PTPRD: variants seen among roughly 807,000 people sequenced by gnomAD.
PTPRD encodes protein tyrosine phosphatase receptor type D, also known as receptor-type tyrosine-protein phosphatase delta.
PTPRD carries 34 observed loss-of-function variants against 214.5 expected under a neutral mutation model. The ratio of observed to expected loss-of-function variants is 0.16; its 90% CI spans 0.12 to 0.21. PTPRD has a LOEUF of 0.21. PTPRD is among the 10% of genes least tolerant of loss of function. The probability of loss-of-function intolerance (pLI) is 1.00; values close to 1 mark genes in which losing one functional copy is unlikely to be tolerated. For missense variants in PTPRD, 2,545 were observed against 2,398.7 expected (o/e 1.06, Z -1.27); for synonymous variants, 1,128 against 845.7 (o/e 1.33, Z -5.79).
At chr9:9,427,975 C>T (rs941717567) in intron 8 of PTPRD, among the ~76,000 whole-genome samples, 2 of 152,120 alleles carry the variant, frequency 1.3e-5, no homozygotes, top group African/African-American at 4.8e-5. Context: ...ATTGTAAAGA[C>T]CATCAATGCT....
intron 3 of PTPRD, among the ~76,000 whole-genome samples, chr9:10,197,231 C>T (rs2099401820): frequency 1.3e-5 from 2 of 152,018 alleles, no homozygotes. Flanking sequence ...TTGATGCATT[C>T]TGTTTATGAT....
intron 8 of PTPRD, among the ~76,000 whole-genome samples, chr9:9,429,081 CA>C (rs2082094283): frequency 1.3e-5 from 2 of 151,930 alleles, no homozygotes; most frequent in South Asian, 4.1e-4. Flanking sequence ...AAAAGAGACA[CA>C]AAAAACCCTT....
intron 11 of PTPRD, among the ~76,000 whole-genome samples, chr9:8,804,229 A>C (rs1048317076): frequency 2.0e-5 from 3 of 152,236 alleles, no homozygotes; most frequent in Non-Finnish European, 2.9e-5. Context: ...CAGGAATTAC[A>C]AGCGTGAGCC....
chr9:10,483,568 T>C (rs1029364251), intron 2 of PTPRD, among the ~76,000 whole-genome samples: 3 of 151,592 alleles, frequency 2.0e-5, no homozygotes, highest in South Asian at 2.1e-4. Flanking sequence ...AGGAAACAAA[T>C]TAGCAAGCAA....
chr9:10,566,476 CTT>C (rs2065649365), intron 2 of PTPRD, among the ~76,000 whole-genome samples: 1 of 151,912 alleles, frequency 6.6e-6, no homozygotes. Context: ...ATTTTTAAAA[CTT>C]AAGTAGATTT....
intron 3 of PTPRD, among the ~76,000 whole-genome samples, chr9:10,255,954 G>A (rs1431758399): frequency 6.6e-6 from 1 of 152,092 alleles, no homozygotes; most frequent in Non-Finnish European, 1.5e-5. Context: ...AGGTTGCACA[G>A]AAGGAGGTGA....
At chr9:10,167,958 G>C (rs1487461970) in intron 3 of PTPRD, among the ~76,000 whole-genome samples, 4 of 152,182 alleles carry the variant, frequency 2.6e-5, no homozygotes, top group African/African-American at 9.7e-5. Context: ...TGCAACTTGA[G>C]TTTCAATCTG....
At position 10,486,229 on chromosome 9, in the gene PTPRD, C is replaced by T. The variant is rs150971894; in HGVS notation, c.-600+126169G>A. 1.5e-3 allele frequency among the ~76,000 whole-genome samples: 223 copies of T among 152,062 alleles called. 2 individuals carry two copies. The highest frequency in any genetic ancestry group is 5.2e-3 in the African/African-American group (216 of 41,502). On this transcript the variant is annotated intron_variant, in intron 2 of 45. Coordinates refer to ENST00000381196, the MANE Select transcript of PTPRD (RefSeq NM_002839.4). The stretch of plus-strand genomic sequence containing the variant: ...ATGTTGGCTTTTGTTCCAATTGTTT[C>T]TGGGATTTTGTCATGAAGTCTTTGC...
chr9:9,339,972 C>T (rs947662551), intron 9 of PTPRD, among the ~76,000 whole-genome samples: 2 of 152,096 alleles, frequency 1.3e-5, no homozygotes, highest in African/African-American at 4.8e-5. Context: ...CAGCAGCAAA[C>T]ATACTTTAAT....
intron 7 of PTPRD, among the ~76,000 whole-genome samples, chr9:9,631,378 A>G (rs2095588565): frequency 6.6e-6 from 1 of 152,280 alleles, no homozygotes; most frequent in East Asian, 1.9e-4. Context: ...ATCTACATCA[A>G]TAGTTTCTTT....
chr9:9,264,585 GAAGA>G (rs1024432972), intron 9 of PTPRD, among the ~76,000 whole-genome samples: 3 of 151,552 alleles, frequency 2.0e-5, no homozygotes, highest in East Asian at 3.9e-4. Flanking sequence ...CCAAAAAGGA[GAAGA>G]GAGAGAGAAA....
intron 7 of PTPRD, among the ~76,000 whole-genome samples, chr9:9,673,990 G>C (rs777826634): frequency 2.0e-5 from 3 of 151,764 alleles, no homozygotes; most frequent in Non-Finnish European, 3.0e-5. Context: ...TAAGCAAACA[G>C]TGGGAAAGTT....
At chr9:8,476,283 A>C (rs2096762942) in intron 30 of PTPRD, among the ~76,000 whole-genome samples, 1 of 152,182 alleles carries the variant, frequency 6.6e-6, no homozygotes, top group Non-Finnish European at 1.5e-5. Flanking sequence ...TGCAGTTCAC[A>C]ATAGGGTTCA....
intron 2 of PTPRD, among the ~76,000 whole-genome samples, chr9:10,472,143 A>C (rs1180665221): frequency 2.0e-5 from 3 of 152,178 alleles, no homozygotes; most frequent in Non-Finnish European, 4.4e-5. Context: ...AGAATACAGT[A>C]AATGAACTAT....
intron 2 of PTPRD, among the ~76,000 whole-genome samples, chr9:10,500,401 C>A (rs894740369): frequency 6.6e-6 from 1 of 151,612 alleles, no homozygotes; most frequent in African/African-American, 2.4e-5. Flanking sequence ...AACCTTGATT[C>A]TTTTGTTAAT....
chr9:8,627,562 T>C (rs553269895), intron 14 of PTPRD, among the ~76,000 whole-genome samples: 3 of 152,034 alleles, frequency 2.0e-5, no homozygotes, highest in African/African-American at 7.2e-5. Context: ...CTCACTTCAA[T>C]GCAATGATTT....
chr9:8,422,768 C>A (rs1205365738), intron 35 of PTPRD, among the ~76,000 whole-genome samples: 1 of 152,196 alleles, frequency 6.6e-6, no homozygotes, highest in African/African-American at 2.4e-5. Flanking sequence ...AGTTGCACGG[C>A]AACATCCACC....
intron 3 of PTPRD, among the ~76,000 whole-genome samples, chr9:10,255,064 A>G (rs1391740545): frequency 6.6e-6 from 1 of 152,258 alleles, no homozygotes; most frequent in Non-Finnish European, 1.5e-5. Flanking sequence ...GAAGAGGACA[A>G]TAACAACAAC....
At chr9:9,437,332 T>C (rs981381890) in intron 8 of PTPRD, among the ~76,000 whole-genome samples, 3 of 152,170 alleles carry the variant, frequency 2.0e-5, no homozygotes, top group Admixed American at 2.0e-4. Flanking sequence ...CTGATGTCTT[T>C]CACAAAATAA....
Sources: allele counts gnomAD v4.1 joint callset (sites outside exome capture counted in the v4.1 genomes callset), GRCh38; gene constraint gnomAD v4.1.1; transcripts MANE v1.5; gene names NCBI Gene and HGNC (gene_info 2026-07-23, HGNC 2026-07-21).